The following PKIB variants were observed in gnomAD, a reference collection of about 807,000 sequenced individuals.
PKIB encodes the protein PKI-beta.
In PKIB, 2 loss-of-function variants were observed where a neutral mutation model predicts 4.5. The observed-to-expected ratio is 0.44, with a 90% confidence interval of 0.18 to 1.39. The LOEUF (loss-of-function observed/expected upper bound fraction) is 1.39. PKIB is among the 40% of genes most tolerant of loss of function. The pLI is 0.27. For missense variants in PKIB, 94 were observed against 92.6 expected, an observed-to-expected ratio of 1.02 and a Z score of -0.06; for synonymous variants, 38 against 36.0, an observed-to-expected ratio of 1.06 and a Z score of -0.20.
At chr6:122,542,052 C>A (rs1562245100) in intron 2 of PKIB, among the ~76,000 whole-genome samples, 1 of 151,992 alleles carries the variant, frequency 6.6e-6, no homozygotes, top group Admixed American at 6.5e-5. Flanking sequence ...TTAAGGACTT[C>A]TCTGCGTTGG....
chr6:122,476,630 T>C (rs1435408517), intron 1 of PKIB, among the ~76,000 whole-genome samples: 1 of 152,122 alleles, frequency 6.6e-6, no homozygotes, highest in African/African-American at 2.4e-5. Context: ...AGAACATACA[T>C]AAATTCAGGA....
At chr6:122,646,420 T>C (rs2114864221) in intron 2 of PKIB, among the ~76,000 whole-genome samples, 1 of 152,294 alleles carries the variant, frequency 6.6e-6, no homozygotes, top group South Asian at 2.1e-4. Flanking sequence ...AGCCTTCTAT[T>C]ATTGATCTTA....
At chr6:122,596,524 G>C (rs1173012189) in intron 3 of PKIB, among the ~76,000 whole-genome samples, 1 of 150,716 alleles carries the variant, frequency 6.6e-6, no homozygotes, top group Admixed American at 6.6e-5. Flanking sequence ...AAAGCACCCA[G>C]GTCAGAAAGC....
chr6:122,705,608 TACA>T (rs1209813010), intron 3 of PKIB, among the ~76,000 whole-genome samples: 1 of 140,234 alleles, frequency 7.1e-6, no homozygotes, highest in Non-Finnish European at 1.5e-5. Context: ...GCTCTGTGGC[TACA>T]CTGGAGTGTA....
intron 2 of PKIB, among the ~76,000 whole-genome samples, chr6:122,542,251 G>A (rs1172408410): frequency 3.3e-5 from 5 of 152,066 alleles, no homozygotes; most frequent in South Asian, 2.1e-4. Flanking sequence ...TGGAGGAGGA[G>A]AGGCACTCTG....
chr6:122,537,560 T>A (rs1291227490), intron 2 of PKIB, among the ~76,000 whole-genome samples: 1 of 152,242 alleles, frequency 6.6e-6, no homozygotes, highest in Non-Finnish European at 1.5e-5. Flanking sequence ...TGCCACATTT[T>A]CTTCATCCAG....
intron 1 of PKIB, among the ~76,000 whole-genome samples, chr6:122,629,982 A>G (rs906084593): frequency 4.6e-5 from 7 of 152,326 alleles, no homozygotes; most frequent in African/African-American, 1.7e-4. Context: ...ACAATAGCAT[A>G]TCAATGTTAG....
intron 3 of PKIB, chr6:122,701,442 T>C: frequency 6.3e-7 from 1 of 1,577,608 alleles, no homozygotes; most frequent in Non-Finnish European, 8.6e-7. Flanking sequence ...ATTTACAGGC[T>C]GAAGCTTCAG....
At chr6:122,608,314 A>G (rs187961455), upstream of PKIB, among the ~76,000 whole-genome samples, 305 of 152,328 alleles carry the variant, frequency 2.0e-3, 1 homozygote, top group Non-Finnish European at 3.7e-3. Context: ...ATCACTTGGC[A>G]CAATCCCAAA....
chr6:122,614,744 A>G (rs936055901), intron 1 of PKIB, among the ~76,000 whole-genome samples: 6 of 152,156 alleles, frequency 3.9e-5, no homozygotes, highest in Admixed American at 3.3e-4. Flanking sequence ...AGAAGAAGAA[A>G]ACACCATTCT....
Position 122,701,542 on chromosome 6 carries a change from G to A in PKIB, c.-8-16245G>A, listed in dbSNP as rs144466419. 1,134 of 1,582,040 alleles carry A rather than the reference G, an allele frequency of 7.2e-4. 9 individuals carry two copies. The East Asian group carries it at 0.015, about 20-fold the overall frequency. ...TTTTCTTCTTGGGGACAAGAGCATT[G>A]CAGAGTTAAAAGAGATGGCATAACA... On this transcript the variant is annotated intron_variant, in intron 3 of 4. Coordinates refer to ENST00000368452, the MANE Select transcript of PKIB (RefSeq NM_181795.3).
chr6:122,702,785 G>T (rs1230473566), intron 3 of PKIB, among the ~76,000 whole-genome samples: 3 of 152,052 alleles, frequency 2.0e-5, no homozygotes, highest in Non-Finnish European at 4.4e-5. Context: ...TTCACTATTT[G>T]AGAAGAATAT....
At position 122,540,085 on chromosome 6, in the gene PKIB, G is replaced by A. The variant is rs151325581; in HGVS notation, c.-247-45836G>A. ...TTCTTCTCTCTTTTATTCTTTATTAGTCTTGCTAGCGATCTATTGATTTTG... is the reference window on the plus strand; with the variant it reads ...TTCTTCTCTCTTTTATTCTTTATTAATCTTGCTAGCGATCTATTGATTTTG... On this transcript the variant is annotated intron_variant, in intron 2 of 6. Coordinates refer to the PKIB transcript ENST00000392491. Among the ~76,000 whole-genome samples the A allele has an allele frequency of 4.4e-3, 668 of 151,856 alleles. 11 individuals are homozygous for A. Among genetic ancestry groups the A allele is most frequent in the African/African-American group, 0.012 (512 of 41,316 alleles).
intron 2 of PKIB, among the ~76,000 whole-genome samples, chr6:122,659,745 G>A (rs1014803643): frequency 2.0e-5 from 3 of 152,120 alleles, no homozygotes; most frequent in Non-Finnish European, 4.4e-5. Context: ...TTGCCTATGT[G>A]TATCACTAGC....
intron 3 of PKIB, among the ~76,000 whole-genome samples, chr6:122,588,192 AT>A (rs1156492517): frequency 6.6e-6 from 1 of 152,120 alleles, no homozygotes; most frequent in Non-Finnish European, 1.5e-5. Flanking sequence ...TCTTGAATTA[AT>A]TTTTGTGTAA....
intron 3 of PKIB, among the ~76,000 whole-genome samples, chr6:122,600,819 C>T (rs911624918): frequency 2.0e-4 from 30 of 151,502 alleles, no homozygotes; most frequent in African/African-American, 7.3e-4. Flanking sequence ...GAAATATGAC[C>T]CATAATGAAG....
chr6:122,486,009 T>C (rs1387537186), intron 2 of PKIB, among the ~76,000 whole-genome samples: 6 of 152,220 alleles, frequency 3.9e-5, no homozygotes, highest in Non-Finnish European at 5.9e-5. Flanking sequence ...AAATAACATA[T>C]TCATAGACAC....
chr6:122,599,472 C>G lies in PKIB; in HGVS notation c.-161+13465C>G, dbSNP rs192642759. Among the ~76,000 whole-genome samples the G allele has an allele frequency of 3.3e-5, 5 of 152,274 alleles. No individual in the cohort carries two copies. The East Asian group carries it at 9.7e-4, about 29-fold the overall frequency. On this transcript the variant is annotated intron_variant, in intron 3 of 6. Transcript: ENST00000392491. Reference sequence around the variant, plus strand: ...CCACTCGCACGATAAGAGCTTATATCTGTTTTTCCACAATTTCAGCTTTTT... The same window carrying G: ...CCACTCGCACGATAAGAGCTTATATGTGTTTTTCCACAATTTCAGCTTTTT...
At chr6:122,711,044 G>C (rs1467381221) in intron 3 of PKIB, among the ~76,000 whole-genome samples, 1 of 151,992 alleles carries the variant, frequency 6.6e-6, no homozygotes, top group East Asian at 1.9e-4. Flanking sequence ...TAGACAGTAG[G>C]GATGCTTTGC....
Sources: allele counts gnomAD v4.1 joint callset (sites outside exome capture counted in the v4.1 genomes callset), GRCh38; gene constraint gnomAD v4.1.1; transcripts MANE v1.5; gene names NCBI Gene and HGNC (gene_info 2026-07-23, HGNC 2026-07-21).